KCNQ1OT1: variants seen among roughly 807,000 people sequenced by gnomAD.
KCNQ1OT1 encodes the protein KCNQ1 opposite strand/antisense transcript 1.
chr11:2,643,234 ATCTG>A, exon 1 of KCNQ1OT1: 1 of 398,218 alleles, frequency 2.5e-6, no homozygotes. Flanking sequence ...TGTCTAGATG[ATCTG>A]TCTAATACTG....
rs1221779134 is a variant in KCNQ1OT1 at position 2,663,443 on chromosome 11, C to A, written n.36552G>T. On this transcript the variant is annotated non_coding_transcript_exon_variant, in exon 1 of 1. Transcript: ENST00000597346. This position sits in a 1 kb window ranked among gnomAD's most constrained non-coding sequence, Gnocchi z 5.2. ...TGTACCAAGTCCTGGATATGATGGACCTCCAAAGTGATCAGTGTTAGTTTA... is the reference window on the plus strand; with the variant it reads ...TGTACCAAGTCCTGGATATGATGGAACTCCAAAGTGATCAGTGTTAGTTTA... 12 of 398,780 alleles carry A rather than the reference C, an allele frequency of 3.0e-5. No individual in the cohort carries two copies. The South Asian group carries it at 1.5e-3, about 51-fold the overall frequency. 24.7% of individuals were successfully genotyped at this position (398,780 alleles called of 1,614,324 possible).
At chr11:2,649,680 G>A (rs1323961973) in exon 1 of KCNQ1OT1, 1 of 398,420 alleles carries the variant, frequency 2.5e-6, no homozygotes, top group African/African-American at 2.1e-5. Context: ...TTAATCTGCT[G>A]TTGATTCCCT....
Position 2,611,151 on chromosome 11 carries a change from T to C in KCNQ1OT1, n.88844A>G. On this transcript the variant is annotated non_coding_transcript_exon_variant, in exon 1 of 1. Coordinates refer to ENST00000597346, the Ensembl canonical transcript of KCNQ1OT1. The surrounding 1 kb of genome is among the most constrained non-coding windows in gnomAD (Gnocchi z 5.3). ...TCCTGTTAAATTTTCCCTTTTGTCATTGTAAAATGCTTCTCAGTATCTCTA... is the reference window on the plus strand; with the variant it reads ...TCCTGTTAAATTTTCCCTTTTGTCACTGTAAAATGCTTCTCAGTATCTCTA... 1 of 398,444 alleles carries C rather than the reference T, an allele frequency of 2.5e-6. No individual in the cohort carries two copies. The highest frequency in any genetic ancestry group is 3.6e-5 in the East Asian group (1 of 28,068). The allele number at this position is 398,444 out of a possible 1,614,324, so 24.7% of individuals were successfully genotyped here.
exon 1 of KCNQ1OT1, chr11:2,644,768 G>C: frequency 2.5e-6 from 1 of 398,582 alleles, no homozygotes. Flanking sequence ...TTTTGATTCT[G>C]GGTGCCTGCA....
rs1001610394 is a variant in KCNQ1OT1, at chr11:2,654,752, C to T, written n.45243G>A. 2.8e-5 allele frequency: 11 copies of T among 398,410 alleles called. No individual in the cohort carries two copies. Among genetic ancestry groups the T allele is most frequent in the Admixed American group, 4.4e-5 (1 of 22,690 alleles). 24.7% of individuals were successfully genotyped at this position (398,410 alleles called of 1,614,324 possible). A position where few individuals can be genotyped will look rare whatever the true frequency, so the allele number is the denominator to read the frequency against. ...TCTGGGCAGGGAGGGGTCTGGGGCT[C>T]GATGAGAAGGCAGAGGAAGTGAGAC... On this transcript the variant is annotated non_coding_transcript_exon_variant, in exon 1 of 1. Coordinates refer to ENST00000597346, the Ensembl canonical transcript of KCNQ1OT1. The surrounding 1 kb of genome is among the most constrained non-coding windows in gnomAD (Gnocchi z 6.4).
chr11:2,667,359 A>AG, exon 1 of KCNQ1OT1: 1 of 398,774 alleles, frequency 2.5e-6, no homozygotes, highest in South Asian at 1.3e-4. Flanking sequence ...TGCAAGGGAA[A>AG]GGCCATCCAA....
Position 2,612,530 on chromosome 11 carries a change from G to A in KCNQ1OT1, n.87465C>T, listed in dbSNP as rs150619900. On this transcript the variant is annotated non_coding_transcript_exon_variant, in exon 1 of 1. Transcript: ENST00000597346. This position sits in a 1 kb window ranked among gnomAD's most constrained non-coding sequence, Gnocchi z 5.5. The stretch of plus-strand genomic sequence containing the variant: ...TCTGCCAGGTCAAATTTGCTTAGCC[G>A]CACTAGTGAGTTTTTCACCTAAGTT... The A allele has an allele frequency of 9.8e-5, 39 of 398,510 alleles. No individual in the cohort carries two copies. The highest frequency in any genetic ancestry group is 6.3e-4 in the Middle Eastern group (1 of 1,588). 24.7% of individuals were successfully genotyped at this position (398,510 alleles called of 1,614,324 possible).
In KCNQ1OT1 at chr11:2,656,701, T is replaced by A. The variant is rs145083469; in HGVS notation, n.43294A>T. 8.0e-4 allele frequency: 317 copies of A among 398,656 alleles called. 2 individuals carry two copies. Among genetic ancestry groups the A allele is most frequent in the African/African-American group, 6.3e-3 (305 of 48,752 alleles). The allele number at this position is 398,656 out of a possible 1,614,324, so 24.7% of individuals were successfully genotyped here. A position where few individuals can be genotyped will look rare whatever the true frequency, so the allele number is the denominator to read the frequency against. Reference sequence around the variant, plus strand: ...TGTCTTTTCACTCTTTAAGGTGTATTTTGATGATTGGGTCTTAACTCTAAT... The same window carrying A: ...TGTCTTTTCACTCTTTAAGGTGTATATTGATGATTGGGTCTTAACTCTAAT... On this transcript the variant is annotated non_coding_transcript_exon_variant, in exon 1 of 1. Transcript: ENST00000597346.
rs1342376286 is a variant in KCNQ1OT1 at position 2,658,473 on chromosome 11, C to T, written n.41522G>A. 2 of 398,384 alleles carry T rather than the reference C, an allele frequency of 5.0e-6. No homozygotes were observed. Among genetic ancestry groups the T allele is most frequent in the Non-Finnish European group, 4.4e-6 (1 of 226,042 alleles). 24.7% of individuals were successfully genotyped at this position (398,384 alleles called of 1,614,324 possible). On this transcript the variant is annotated non_coding_transcript_exon_variant, in exon 1 of 1. Coordinates refer to ENST00000597346, the Ensembl canonical transcript of KCNQ1OT1. This position sits in a 1 kb window ranked among gnomAD's most constrained non-coding sequence, Gnocchi z 4.9. Reference sequence around the variant, plus strand: ...TCCTTTTGATGTGCCCCCCGCCATCCTTTTCATTTATTTTTAAGCATTTCT... The same window carrying T: ...TCCTTTTGATGTGCCCCCCGCCATCTTTTTCATTTATTTTTAAGCATTTCT...
rs1475160497 is a variant in KCNQ1OT1 at position 2,621,387 on chromosome 11, G to C, written n.78608C>G. ...GTTCCTGTCCTTTGCCAATTCAATT[G>C]GATTATTCGTTTTTTGCTTGTTGAT... On this transcript the variant is annotated non_coding_transcript_exon_variant, in exon 1 of 1. Transcript: ENST00000597346. The surrounding 1 kb of genome is among the most constrained non-coding windows in gnomAD (Gnocchi z 5.7). The C allele has an allele frequency of 7.5e-6, 3 of 398,370 alleles. No homozygotes were observed. The highest frequency in any genetic ancestry group is 6.2e-5 in the African/African-American group (3 of 48,578). The allele number at this position is 398,370 out of a possible 1,614,324, so 24.7% of individuals were successfully genotyped here.
chr11:2,635,741 G>A (rs1166518252), exon 1 of KCNQ1OT1: 4 of 152,268 alleles, frequency 2.6e-5, no homozygotes, highest in Admixed American at 1.3e-4. Context: ...TAGCTTGATG[G>A]GGATGGCATT....
Position 2,679,440 on chromosome 11 carries a change from G to T in KCNQ1OT1, n.20555C>A, listed in dbSNP as rs1435846907. On this transcript the variant is annotated non_coding_transcript_exon_variant, in exon 1 of 1. Transcript: ENST00000597346. This position sits in a 1 kb window ranked among gnomAD's most constrained non-coding sequence, Gnocchi z 4.8. ...ACCTTCCTCAGAGGGTTGTTAGGAG[G>T]ATTACACAAATTAATAATATAAAGT... The T allele has an allele frequency of 5.0e-6, 2 of 398,438 alleles. No homozygotes were observed. The highest frequency in any genetic ancestry group is 8.8e-6 in the Non-Finnish European group (2 of 226,076). 24.7% of individuals were successfully genotyped at this position (398,438 alleles called of 1,614,324 possible).
At chr11:2,686,894 G>T in exon 1 of KCNQ1OT1, 1 of 398,692 alleles carries the variant, frequency 2.5e-6, no homozygotes, top group Non-Finnish European at 4.4e-6. Context: ...CCAGCCTGAA[G>T]ATAGAGGCAA....
exon 1 of KCNQ1OT1, chr11:2,616,348 G>GT (rs565354154): frequency 2.5e-6 from 1 of 397,414 alleles, no homozygotes; most frequent in South Asian, 1.3e-4. Context: ...GCAACTTTTG[G>GT]TTTTGTTAAA....
rs113744216 is a variant in KCNQ1OT1, at chr11:2,620,211, A to T, written n.79784T>A. 1,597 of 261,938 alleles carry T rather than the reference A, an allele frequency of 6.1e-3. 33 individuals carry two copies. The highest frequency in any genetic ancestry group is 0.054 in the South Asian group (273 of 5,080). 16.2% of individuals were successfully genotyped at this position (261,938 alleles called of 1,614,324 possible). On this transcript the variant is annotated non_coding_transcript_exon_variant, in exon 1 of 1. Coordinates refer to ENST00000597346, the Ensembl canonical transcript of KCNQ1OT1. This position sits in a 1 kb window ranked among gnomAD's most constrained non-coding sequence, Gnocchi z 4.5. ...TAAGTTCATTCATGTATATATATAT[A>T]TTTTTTTTTTTTATTTTTTTTTTAG...
At position 2,674,019 on chromosome 11, in the gene KCNQ1OT1, C is replaced by T; in HGVS notation, n.25976G>A. ...GGAGGGCCCTCCGTGCTTTCTGGCT[C>T]TTTGGGCCTGGGGTGCAGCCCCTCA... On this transcript the variant is annotated non_coding_transcript_exon_variant, in exon 1 of 1. Transcript: ENST00000597346. The surrounding 1 kb of genome is among the most constrained non-coding windows in gnomAD (Gnocchi z 5.9). 1 of 398,578 alleles carries T rather than the reference C, an allele frequency of 2.5e-6. No individual in the cohort carries two copies. The highest frequency in any genetic ancestry group is 1.3e-4 in the South Asian group (1 of 7,858). The allele number at this position is 398,578 out of a possible 1,614,324, so 24.7% of individuals were successfully genotyped here.
chr11:2,635,650 G>C (rs1357387876), exon 1 of KCNQ1OT1: 2 of 152,184 alleles, frequency 1.3e-5, no homozygotes, highest in African/African-American at 2.4e-5. Flanking sequence ...GCTTAGGATT[G>C]TCTTGGCAAT....
Position 2,661,932 on chromosome 11 carries a change from A to G in KCNQ1OT1, n.38063T>C. The G allele has an allele frequency of 6.2e-7, 1 of 1,614,044 alleles. No homozygotes were observed. Among genetic ancestry groups the G allele is most frequent in the Non-Finnish European group, 8.5e-7 (1 of 1,180,016 alleles). ...CACTGGCAGGTTGGGTGGGAGGCCTAACGTGCTGTCCCCACACTTTCTCCT... is the reference window on the plus strand; with the variant it reads ...CACTGGCAGGTTGGGTGGGAGGCCTGACGTGCTGTCCCCACACTTTCTCCT... On this transcript the variant is annotated non_coding_transcript_exon_variant, in exon 1 of 1. Coordinates refer to ENST00000597346, the Ensembl canonical transcript of KCNQ1OT1. This position sits in a 1 kb window ranked among gnomAD's most constrained non-coding sequence, Gnocchi z 5.9.
At chr11:2,685,140 G>A in exon 1 of KCNQ1OT1, 1 of 398,676 alleles carries the variant, frequency 2.5e-6, no homozygotes, top group East Asian at 3.6e-5. Flanking sequence ...CTAATCAGGT[G>A]TGGAAGAAGC....
Sources: allele counts gnomAD v4.1 joint callset, GRCh38; gene constraint gnomAD v4.1.1; non-coding constraint Gnocchi (gnomAD v3.1); transcripts MANE v1.5; gene names NCBI Gene and HGNC (gene_info 2026-07-23, HGNC 2026-07-21).